CCDC178: variants seen among roughly 807,000 people sequenced by gnomAD.
CCDC178 encodes coiled-coil domain containing 178.
In CCDC178, 126 loss-of-function variants were observed where a neutral mutation model predicts 117.4. The ratio of observed to expected loss-of-function variants is 1.07; its 90% confidence interval spans 0.93 to 1.24. The LOEUF (loss-of-function observed/expected upper bound fraction) is 1.24, where lower values mean the gene tolerates loss of function less well. Among genes scored for constraint, CCDC178 ranks in the 50% most tolerant of loss-of-function variants. CCDC178 has a pLI of 0.00. For synonymous variants in CCDC178, 283 were observed against 313.4 expected (o/e 0.90, Z 1.02); for missense variants, 1,030 against 986.9 (o/e 1.04, Z -0.59).
At chr18:33,226,616 A>G (rs760082091) in intron 16 of CCDC178, among the ~76,000 whole-genome samples, 177 bp downstream of exon 16, 17 of 152,334 alleles carry the variant, frequency 1.1e-4, no homozygotes, top group Admixed American at 2.6e-4. Context: ...CAATTTCTTT[A>G]TGCATGATCA....
At chr18:33,008,215 A>G (rs1182667727) in intron 21 of CCDC178, among the ~76,000 whole-genome samples, 3 of 152,146 alleles carry the variant, frequency 2.0e-5, no homozygotes, top group Non-Finnish European at 4.4e-5. Flanking sequence ...TACTCCTTCC[A>G]TTATAGTGCA....
chr18:33,382,521 G>A lies in CCDC178; in HGVS notation c.208+7019C>T, dbSNP rs527605417. On this transcript the variant is annotated intron_variant, in intron 5 of 22. Coordinates refer to ENST00000383096, the MANE Select transcript of CCDC178 (RefSeq NM_001105528.4). Reference sequence around the variant, plus strand: ...CTCATCGTGACTGACTAGGCAGTGGGTGTGACCCACGGACAGTGAGCAGAA... The same window carrying A: ...CTCATCGTGACTGACTAGGCAGTGGATGTGACCCACGGACAGTGAGCAGAA... Among the ~76,000 whole-genome samples, 7 of 152,324 alleles carry A rather than the reference G, an allele frequency of 4.6e-5. No individual in the cohort carries two copies. The South Asian group carries it at 1.5e-3, about 32-fold the overall frequency.
At chr18:33,140,292 G>C (rs1025724995) in intron 20 of CCDC178, among the ~76,000 whole-genome samples, 1 of 152,098 alleles carries the variant, frequency 6.6e-6, no homozygotes, top group Non-Finnish European at 1.5e-5. Flanking sequence ...GTGGAGTTGT[G>C]AGAAGAGGGC....
At chr18:33,123,780 T>C (rs150682129) in intron 20 of CCDC178, among the ~76,000 whole-genome samples, 1 of 152,264 alleles carries the variant, frequency 6.6e-6, no homozygotes, top group Non-Finnish European at 1.5e-5. Context: ...AGGGAATATA[T>C]TATCTCAGAC....
intron 18 of CCDC178, among the ~76,000 whole-genome samples, chr18:33,220,328 T>C (rs1005327669): frequency 1.3e-5 from 2 of 152,102 alleles, no homozygotes; most frequent in Non-Finnish European, 2.9e-5. Flanking sequence ...ATCAATGTTA[T>C]ATCCATTTTA....
At position 33,254,454 on chromosome 18, in the gene CCDC178, A is replaced by G. The variant is rs142987082; in HGVS notation, c.1410-9026T>C. Among the ~76,000 whole-genome samples the G allele has an allele frequency of 3.8e-4, 58 of 152,140 alleles. No individual in the cohort carries two copies. In the East Asian group the frequency reaches 7.0e-3, roughly 18 times the overall value. The stretch of plus-strand genomic sequence containing the variant: ...AATGGATACTTATTGAGCATTGATT[A>G]TATGTCAACAGCTGTGCTAGGTGAC... On this transcript the variant is annotated intron_variant, in intron 14 of 22. Transcript: ENST00000383096.
chr18:32,939,931 A>G (rs1260313520), intron 22 of CCDC178, among the ~76,000 whole-genome samples: 1 of 152,190 alleles, frequency 6.6e-6, no homozygotes, highest in East Asian at 1.9e-4. Flanking sequence ...GAAAAATTTA[A>G]CTAGATGAAG....
At chr18:32,987,143 G>A (rs1364620017) in intron 21 of CCDC178, among the ~76,000 whole-genome samples, 3 of 151,438 alleles carry the variant, frequency 2.0e-5, no homozygotes, top group Non-Finnish European at 4.4e-5. Context: ...ACTAGAAAGA[G>A]GTAAAAAATA....
intron 14 of CCDC178, among the ~76,000 whole-genome samples, chr18:33,260,075 T>C (rs570507445): frequency 1.3e-5 from 2 of 152,132 alleles, no homozygotes; most frequent in Non-Finnish European, 2.9e-5. Context: ...ATATTACACA[T>C]GGCCAGCAGA....
At chr18:33,327,016 G>A (rs527560927) in intron 10 of CCDC178, among the ~76,000 whole-genome samples, 72 of 151,616 alleles carry the variant, frequency 4.7e-4, no homozygotes, top group Non-Finnish European at 9.6e-4. Flanking sequence ...CTCTAGCCAG[G>A]GCCTTAAAAC....
intron 10 of CCDC178, among the ~76,000 whole-genome samples, chr18:33,332,246 T>C (rs2062678931): frequency 6.6e-6 from 1 of 152,188 alleles, no homozygotes; most frequent in Non-Finnish European, 1.5e-5. Flanking sequence ...TGAAATTCAT[T>C]ATAAAGATTG....
At chr18:33,197,814 A>C (rs900664244) in intron 20 of CCDC178, among the ~76,000 whole-genome samples, 2 of 152,180 alleles carry the variant, frequency 1.3e-5, no homozygotes, top group Non-Finnish European at 1.5e-5. Flanking sequence ...TGCTTTGTAC[A>C]TTCATTGTCT....
chr18:33,139,694 T>C (rs1357279159), intron 20 of CCDC178, among the ~76,000 whole-genome samples: 1 of 152,110 alleles, frequency 6.6e-6, no homozygotes, highest in Non-Finnish European at 1.5e-5. Context: ...GTTAAAGGCA[T>C]TCAGTTTTAT....
intron 20 of CCDC178, among the ~76,000 whole-genome samples, chr18:33,127,429 A>G (rs2058020839): frequency 1.3e-5 from 2 of 152,004 alleles, no homozygotes. Context: ...TTAACTGATC[A>G]GTTTTTTTGT....
At chr18:33,313,415 T>TC (rs2062369639) in intron 11 of CCDC178, among the ~76,000 whole-genome samples, 1 of 152,072 alleles carries the variant, frequency 6.6e-6, no homozygotes, top group Admixed American at 6.5e-5. Flanking sequence ...CCTTCCAGGG[T>TC]CCTACTCCTT....
chr18:33,379,187 C>CATATATATAATATATATATTTCCAT (rs2063407029), intron 5 of CCDC178, among the ~76,000 whole-genome samples: 3 of 111,300 alleles, frequency 2.7e-5, no homozygotes, highest in South Asian at 3.0e-4. Context: ...TATATATTTC[C>CATATATATAATATATATATTTCCAT]ATATATATAA....
At chr18:33,166,414 A>G (rs2058529192) in intron 20 of CCDC178, among the ~76,000 whole-genome samples, 1 of 152,164 alleles carries the variant, frequency 6.6e-6, no homozygotes, top group South Asian at 2.1e-4. Flanking sequence ...TGACATAGAA[A>G]CTTAGAGAAA....
At chr18:33,416,815 T>C (rs902055171) in intron 2 of CCDC178, among the ~76,000 whole-genome samples, 30 of 152,148 alleles carry the variant, frequency 2.0e-4, no homozygotes, top group African/African-American at 7.2e-4. Context: ...AACAAGGCAT[T>C]CCTCCTACCC....
chr18:33,367,875 T>C (rs979445894), intron 6 of CCDC178, among the ~76,000 whole-genome samples: 3 of 152,004 alleles, frequency 2.0e-5, no homozygotes, highest in Non-Finnish European at 4.4e-5. Context: ...GTCATTAGCA[T>C]TTATTTCATA....
Sources: gnomAD v4.1 joint callset for allele counts (sites outside exome capture counted in the v4.1 genomes callset) on GRCh38, gnomAD v4.1.1 for gene constraint, MANE v1.5 for transcripts, NCBI Gene and HGNC (gene_info 2026-07-23, HGNC 2026-07-21) for gene names.